Variants in CAB39L observed in about 807,000 individuals in gnomAD.
CAB39L encodes calcium binding protein 39 like.
In CAB39L, 23 loss-of-function variants were observed where a neutral mutation model predicts 39.1. The ratio of observed to expected loss-of-function variants is 0.59; its 90% CI spans 0.42 to 0.83. The LOEUF (loss-of-function observed/expected upper bound fraction) is 0.83, where lower values mean the gene tolerates loss of function less well. CAB39L is among the 40% of genes least tolerant of loss of function. The pLI is 0.00. For synonymous variants in CAB39L, 126 were observed against 137.2 expected, an observed-to-expected ratio of 0.92 and a Z score of 0.57; for missense variants, 366 against 391.9, an observed-to-expected ratio of 0.93 and a Z score of 0.56.
At chr13:49,433,897 AG>A (rs758441914) in intron 2 of CAB39L, among the ~76,000 whole-genome samples, 188 bp downstream of exon 2, 8 of 152,204 alleles carry the variant, frequency 5.3e-5, no homozygotes, top group Non-Finnish European at 1.0e-4. Context: ...GAAGCTTTGA[AG>A]GGTTTCTTGC....
At chr13:49,334,056 C>A (rs1954785456) in intron 9 of CAB39L, among the ~76,000 whole-genome samples, 1 of 152,280 alleles carries the variant, frequency 6.6e-6, no homozygotes, top group South Asian at 2.1e-4. Flanking sequence ...CTCCTCACAT[C>A]AAATCTCCAT....
intron 8 of CAB39L, among the ~76,000 whole-genome samples, chr13:49,340,744 G>A (rs993871944): frequency 3.3e-5 from 5 of 152,070 alleles, no homozygotes; most frequent in South Asian, 2.1e-4. Context: ...ACCTACTCCC[G>A]AGTCCACCAG....
intron 4 of CAB39L, among the ~76,000 whole-genome samples, chr13:49,379,847 T>C (rs1408904267): frequency 2.0e-5 from 3 of 149,944 alleles, no homozygotes; most frequent in Non-Finnish European, 3.0e-5. Flanking sequence ...AAATAATCTT[T>C]TTTTTTTTTT....
At chr13:49,378,605 C>T (rs1316301826) in intron 4 of CAB39L, among the ~76,000 whole-genome samples, 2 of 72,546 alleles carry the variant, frequency 2.8e-5, no homozygotes, top group African/African-American at 8.1e-5. Context: ...CAGCCCTCCG[C>T]CCGGCCAGCC....
At chr13:49,390,993 T>C (rs1594043744) in intron 3 of CAB39L, among the ~76,000 whole-genome samples, 1 of 152,300 alleles carries the variant, frequency 6.6e-6, no homozygotes, top group East Asian at 1.9e-4. Flanking sequence ...GCTGAACATG[T>C]CTTCAGATTT....
In CAB39L at chr13:49,439,920, G is replaced by GT. The variant is rs1270438947; in HGVS notation, c.-246+4065_-246+4066insA. ...GATGTCTTTTGACCACTTTTTAATG[G>GT]GTTTTTTTTTTTTTTTTTTTTGCTT... On this transcript the variant is annotated intron_variant, in intron 1 of 10. Coordinates refer to ENST00000409308, the MANE Select transcript of CAB39L (RefSeq NM_001079670.3). 6.9e-3 allele frequency among the ~76,000 whole-genome samples: 285 copies of GT among 41,276 alleles called. 6 individuals are homozygous for GT. Among genetic ancestry groups the GT allele is most frequent in the African/African-American group, 0.021 (265 of 12,902 alleles). The allele number at this position is 41,276 out of a possible 152,430, so 27.1% of individuals were successfully genotyped here.
chr13:49,357,549 A>G (rs1210344385), intron 6 of CAB39L, among the ~76,000 whole-genome samples: 1 of 152,216 alleles, frequency 6.6e-6, no homozygotes, highest in Non-Finnish European at 1.5e-5. Flanking sequence ...TGGAGAGATT[A>G]TGGGATGTAC....
chr13:49,440,840 G>C (rs150186791), intron 1 of CAB39L, among the ~76,000 whole-genome samples: 4 of 102,990 alleles, frequency 3.9e-5, no homozygotes, highest in African/African-American at 1.2e-4. Flanking sequence ...ACTGATTTTT[G>C]TACAGAGTTT....
chr13:49,316,803 G>A (rs1203432165), intron 10 of CAB39L, among the ~76,000 whole-genome samples: 2 of 152,202 alleles, frequency 1.3e-5, no homozygotes, highest in Non-Finnish European at 2.9e-5. Flanking sequence ...CTTTACAGAT[G>A]TACTCAAGAT....
intron 1 of CAB39L, among the ~76,000 whole-genome samples, chr13:49,442,792 A>AC (rs1957555130): frequency 5.1e-5 from 6 of 118,258 alleles, no homozygotes; most frequent in African/African-American, 2.4e-4. Flanking sequence ...CATCTCAAAA[A>AC]AAAAAAAAAA....
chr13:49,403,175 T>C lies in CAB39L; in HGVS notation c.-31-20234A>G, dbSNP rs187325692. On this transcript the variant is annotated intron_variant, in intron 3 of 10. Coordinates refer to ENST00000409308, the MANE Select transcript of CAB39L (RefSeq NM_001079670.3). ...ATATTTAATTCCTATTAAATACCATTCCATTTTCCAACAGCAAGAGTGCAG... is the reference window on the plus strand; with the variant it reads ...ATATTTAATTCCTATTAAATACCATCCCATTTTCCAACAGCAAGAGTGCAG... 9.9e-5 allele frequency among the ~76,000 whole-genome samples: 15 copies of C among 152,246 alleles called. No homozygotes were observed. In the East Asian group the frequency reaches 2.9e-3, roughly 29 times the overall value.
intron 5 of CAB39L, among the ~76,000 whole-genome samples, chr13:49,376,162 T>G (rs536004090): frequency 6.6e-6 from 1 of 152,368 alleles, no homozygotes; most frequent in Non-Finnish European, 1.5e-5. Context: ...AACTAAAAGC[T>G]ATTCACTTTG....
chr13:49,384,718 TG>T (rs1956321436), intron 3 of CAB39L, among the ~76,000 whole-genome samples: 1 of 152,188 alleles, frequency 6.6e-6, no homozygotes, highest in Non-Finnish European at 1.5e-5. Flanking sequence ...TTAACAGGCA[TG>T]AAAACAACAT....
chr13:49,333,941 G>A (rs1259344793), intron 9 of CAB39L, among the ~76,000 whole-genome samples: 8 of 152,196 alleles, frequency 5.3e-5, no homozygotes, highest in East Asian at 1.9e-4. Context: ...CACACTTAGC[G>A]TCTCTAAAAC....
At chr13:49,433,076 TC>T (rs1957352302) in intron 3 of CAB39L, among the ~76,000 whole-genome samples, 1 of 152,206 alleles carries the variant, frequency 6.6e-6, no homozygotes, top group African/African-American at 2.4e-5. Flanking sequence ...GCTCATCCAT[TC>T]ATGTTAAAGG....
At chr13:49,411,314 G>A (rs1391155077) in intron 3 of CAB39L, among the ~76,000 whole-genome samples, 2 of 151,324 alleles carry the variant, frequency 1.3e-5, no homozygotes, top group Non-Finnish European at 2.9e-5. Flanking sequence ...GGAGGCTGAG[G>A]TAGGAGAATC....
At chr13:49,361,562 AAAGAAAG>A (rs1955636953) in intron 5 of CAB39L, among the ~76,000 whole-genome samples, 1 of 11,332 alleles carries the variant, frequency 8.8e-5, no homozygotes, top group African/African-American at 3.0e-4. Context: ...AAGAGAAAGA[AAAGAAAG>A]AAAGAAAGAA....
chr13:49,417,325 T>C (rs1957101451), intron 3 of CAB39L, among the ~76,000 whole-genome samples: 1 of 152,210 alleles, frequency 6.6e-6, no homozygotes, highest in Non-Finnish European at 1.5e-5. Flanking sequence ...CTTCCTTTAC[T>C]CCTATTTGTA....
At chr13:49,439,416 T>A (rs980312735) in intron 1 of CAB39L, among the ~76,000 whole-genome samples, 1 of 152,234 alleles carries the variant, frequency 6.6e-6, no homozygotes, top group African/African-American at 2.4e-5. Flanking sequence ...GGCATTATAC[T>A]CAACAGTTAG....
Sources: gnomAD v4.1 joint callset for allele counts (sites outside exome capture counted in the v4.1 genomes callset) on GRCh38, gnomAD v4.1.1 for gene constraint, MANE v1.5 for transcripts, NCBI Gene and HGNC (gene_info 2026-07-23, HGNC 2026-07-21) for gene names.